The following RIF1 variants were observed in gnomAD, a reference collection of about 807,000 sequenced individuals.
RIF1 encodes the protein replication timing regulatory factor 1, also known as telomere-associated protein RIF1.
In RIF1, 45 loss-of-function variants were observed where a neutral mutation model predicts 247.1. The ratio of observed to expected loss-of-function variants is 0.18; its 90% CI spans 0.14 to 0.23. The LOEUF is 0.23. RIF1 is among the 10% of genes least tolerant of loss of function. The probability of loss-of-function intolerance (pLI) is 1.00; values close to 1 mark genes in which losing one functional copy is unlikely to be tolerated. For synonymous variants in RIF1, 1,087 were observed against 978.8 expected (o/e 1.11, Z -2.06); for missense variants, 2,967 against 2,862.5 (o/e 1.04, Z -0.83).
At chr2:151,531,985 A>G in the RIF1 span, 58 of 737,780 alleles carry the variant, frequency 7.9e-5, no homozygotes, top group African/African-American at 6.7e-4. Context: ...CCAGAGTGGG[A>G]GATGGTATCT....
the RIF1 span, among the ~76,000 whole-genome samples, chr2:151,516,799 A>C: frequency 6.6e-6 from 1 of 152,224 alleles, no homozygotes; most frequent in African/African-American, 2.4e-5. Context: ...CAATTCAAGG[A>C]CACAAAAGAA....
At chr2:151,522,943 C>T in the RIF1 span, among the ~76,000 whole-genome samples, 1 of 152,176 alleles carries the variant, frequency 6.6e-6, no homozygotes, top group Admixed American at 6.5e-5. Flanking sequence ...CGGAGACCAG[C>T]CTTTCACAGG....
intron 12 of RIF1, chr2:151,505,800 G>T (rs2068395238): frequency 1.8e-6 from 1 of 563,768 alleles, no homozygotes; most frequent in Non-Finnish European, 3.2e-6. Context: ...GCAGGGATGG[G>T]GGCCCCTATT....
chr2:151,494,284 A>G, intron 9 of RIF1: 1 of 1,432,280 alleles, frequency 7.0e-7, no homozygotes, highest in Non-Finnish European at 9.6e-7. Context: ...CAAAAAGCCA[A>G]AAAGAAAAAG....
chr2:151,468,189 C>A, intron 31 of RIF1, 43 bp downstream of exon 31: 1 of 1,494,502 alleles, frequency 6.7e-7, no homozygotes. Flanking sequence ...TATACCGACA[C>A]AGAATTACAT....
chr2:151,505,747 T>C (rs1448112710), intron 12 of RIF1, among the ~76,000 whole-genome samples: 3 of 152,158 alleles, frequency 2.0e-5, no homozygotes, highest in Non-Finnish European at 4.4e-5. Context: ...AGGAGAACAA[T>C]TCCAAGGACA....
In RIF1 at chr2:151,446,718, G is replaced by A. The variant is rs532973920; in HGVS notation, c.2244+143G>A. On this transcript the variant is annotated intron_variant, in intron 20 of 35. Transcript: ENST00000444746. ...TTGATACTGCAAACAAGTATGCTTT[G>A]TGTAACAGTTTTGTGTCTTTGGGCT... 31 of 846,934 alleles carry A rather than the reference G, an allele frequency of 3.7e-5. No homozygotes were observed. In the South Asian group the frequency reaches 4.0e-4, roughly 11 times the overall value. The allele number at this position is 846,934 out of a possible 1,614,324, so 52.5% of individuals were successfully genotyped here. A position where few individuals can be genotyped will look rare whatever the true frequency, so the allele number is the denominator to read the frequency against.
chr2:151,456,320 C>T (rs1342778243), intron 22 of RIF1, among the ~76,000 whole-genome samples: 1 of 152,048 alleles, frequency 6.6e-6, no homozygotes, highest in Non-Finnish European at 1.5e-5. Context: ...AAGAAATGTA[C>T]AGAAACAAGC....
chr2:151,436,405 G>A (rs1316957667), intron 11 of RIF1, among the ~76,000 whole-genome samples: 5 of 151,862 alleles, frequency 3.3e-5, no homozygotes, highest in Non-Finnish European at 5.9e-5. Flanking sequence ...TGAGCACAGT[G>A]GTATCCATCC....
At chr2:151,492,318 GGT>G in intron 9 of RIF1, 1 of 1,599,912 alleles carries the variant, frequency 6.3e-7, no homozygotes, top group Non-Finnish European at 8.5e-7. Flanking sequence ...AAAATATGAT[GGT>G]GTGACTATAT....
chr2:151,411,398 TTTG>T, intron 3 of RIF1, 60 bp downstream of exon 3: 2 of 1,103,502 alleles, frequency 1.8e-6, no homozygotes, highest in Non-Finnish European at 2.7e-6. Context: ...TTTTTTTGGT[TTTG>T]TTTTTTTGTT....
At chr2:151,508,960 C>A (rs1161932961), downstream of RIF1, among the ~76,000 whole-genome samples, 1 of 152,208 alleles carries the variant, frequency 6.6e-6, no homozygotes, top group Non-Finnish European at 1.5e-5. Context: ...TGTCACTGTC[C>A]TTTCACTTTT....
chr2:151,491,898 G>A, intron 9 of RIF1: 1 of 985,942 alleles, frequency 1.0e-6, no homozygotes, highest in Non-Finnish European at 1.5e-6. Context: ...TTAGGTTCTG[G>A]GTCATGTCTT....
chr2:151,501,211 T>C (rs1575214879), intron 11 of RIF1, among the ~76,000 whole-genome samples: 1 of 152,210 alleles, frequency 6.6e-6, no homozygotes, highest in Non-Finnish European at 1.5e-5. Flanking sequence ...ATAGAAAGTA[T>C]AAAATGTTTG....
chr2:151,451,250 C>T (rs1439089571), intron 20 of RIF1, among the ~76,000 whole-genome samples: 1 of 152,102 alleles, frequency 6.6e-6, no homozygotes, highest in Non-Finnish European at 1.5e-5. Context: ...AAATACATAC[C>T]ATTTTGTTAC....
At chr2:151,472,834 T>C (rs1409861216) in intron 34 of RIF1, among the ~76,000 whole-genome samples, 1 of 152,194 alleles carries the variant, frequency 6.6e-6, no homozygotes, top group Non-Finnish European at 1.5e-5. Flanking sequence ...AAAAATCTCT[T>C]TTTTTGTTGT....
chr2:151,508,612 A>G (rs2071274549), downstream of RIF1, among the ~76,000 whole-genome samples: 1 of 152,232 alleles, frequency 6.6e-6, no homozygotes. Flanking sequence ...TCCCAGCTAT[A>G]GGACTGAGCC....
At chr2:151,428,377 T>C (rs762479612) in intron 8 of RIF1, among the ~76,000 whole-genome samples, 18 of 152,194 alleles carry the variant, frequency 1.2e-4, no homozygotes, top group Non-Finnish European at 2.5e-4. Flanking sequence ...GTTTGAAAGG[T>C]TATTTTTATT....
the RIF1 span, among the ~76,000 whole-genome samples, chr2:151,523,893 A>G: frequency 2.6e-5 from 4 of 152,358 alleles, no homozygotes; most frequent in Admixed American, 2.0e-4. Context: ...TTAATGAAAA[A>G]AAAATGAATA....
Sources: gnomAD v4.1 joint callset for allele counts (sites outside exome capture counted in the v4.1 genomes callset) on GRCh38, gnomAD v4.1.1 for gene constraint, MANE v1.5 for transcripts, NCBI Gene and HGNC (gene_info 2026-07-23, HGNC 2026-07-21) for gene names.